Variants in C7orf78 observed in about 807,000 individuals in gnomAD.
C7orf78 encodes chromosome 7 open reading frame 78.
chr7:12,512,369 C>G, the C7orf78 span, among the ~76,000 whole-genome samples: 2 of 152,204 alleles, frequency 1.3e-5, no homozygotes, highest in African/African-American at 2.4e-5. Context: ...TCCTTCAATG[C>G]TTAGCTTATT....
At chr7:12,535,021 A>AGGAAGGAAGGAAGGAG in the C7orf78 span, among the ~76,000 whole-genome samples, 3 of 151,448 alleles carry the variant, frequency 2.0e-5, no homozygotes, top group East Asian at 5.8e-4. Context: ...GAAGGAAGGA[A>AGGAAGGAAGGAAGGAG]ACAGATTTCA....
the C7orf78 span, among the ~76,000 whole-genome samples, chr7:12,493,854 T>C: frequency 1.3e-5 from 2 of 152,234 alleles, no homozygotes; most frequent in South Asian, 4.1e-4. Context: ...TATTGTTCTA[T>C]GTCAAGAAAA....
chr7:12,507,067 G>C, the C7orf78 span: 3 of 370,300 alleles, frequency 8.1e-6, no homozygotes, highest in Non-Finnish European at 1.0e-5. Context: ...TTGGGAGGCC[G>C]AGACGGGCGG....
the C7orf78 span, among the ~76,000 whole-genome samples, chr7:12,489,645 T>C: frequency 2.0e-5 from 3 of 152,118 alleles, no homozygotes; most frequent in African/African-American, 7.2e-5. Flanking sequence ...CGGGAATGCC[T>C]TCAGGAGGCT....
At chr7:12,539,716 G>T in the C7orf78 span, among the ~76,000 whole-genome samples, 1 of 152,292 alleles carries the variant, frequency 6.6e-6, no homozygotes, top group East Asian at 1.9e-4. Flanking sequence ...TTAATCAGGT[G>T]CTGCAGTCAA....
the C7orf78 span, among the ~76,000 whole-genome samples, chr7:12,496,070 T>G: frequency 6.6e-6 from 1 of 152,044 alleles, no homozygotes; most frequent in African/African-American, 2.4e-5. Flanking sequence ...CAACTACAGG[T>G]GCCCGCCACC....
At chr7:12,498,152 C>A in the C7orf78 span, among the ~76,000 whole-genome samples, 1 of 151,884 alleles carries the variant, frequency 6.6e-6, no homozygotes, top group Non-Finnish European at 1.5e-5. Context: ...AACAGAAAAA[C>A]TGGAAACTCT....
the C7orf78 span, among the ~76,000 whole-genome samples, chr7:12,521,307 C>T: frequency 6.6e-6 from 1 of 151,960 alleles, no homozygotes; most frequent in Admixed American, 6.6e-5. Flanking sequence ...CTTCCCTTCT[C>T]ATTGTTTATC....
chr7:12,531,036 A>G, the C7orf78 span: 1 of 398,508 alleles, frequency 2.5e-6, no homozygotes, highest in Non-Finnish European at 4.4e-6. Context: ...AGCGTGATGC[A>G]TACAGTGCAT....
the C7orf78 span, among the ~76,000 whole-genome samples, chr7:12,489,690 T>C: frequency 6.6e-6 from 1 of 152,104 alleles, no homozygotes; most frequent in Admixed American, 6.6e-5. Context: ...CTGGGCAAAG[T>C]CAGGGTTTAT....
chr7:12,495,043 G>A, the C7orf78 span, among the ~76,000 whole-genome samples: 4 of 152,112 alleles, frequency 2.6e-5, no homozygotes, highest in Admixed American at 2.6e-4. Context: ...TGATAAAATT[G>A]CTCTCAGGCT....
the C7orf78 span, among the ~76,000 whole-genome samples, chr7:12,531,493 A>G: frequency 6.6e-6 from 1 of 152,108 alleles, no homozygotes. Flanking sequence ...ATTTGCTTAA[A>G]TTTTCTGATC....
At chr7:12,498,531 A>T in the C7orf78 span, among the ~76,000 whole-genome samples, 3 of 152,106 alleles carry the variant, frequency 2.0e-5, no homozygotes, top group Non-Finnish European at 4.4e-5. Context: ...GAAAGTTTAG[A>T]GAAAAAAGAA....
the C7orf78 span, among the ~76,000 whole-genome samples, chr7:12,505,155 GA>G: frequency 1.6e-4 from 24 of 151,766 alleles, no homozygotes; most frequent in African/African-American, 5.6e-4. Context: ...TCTTTATTTA[GA>G]AAAAAATATG....
chr7:12,530,106 C>T, the C7orf78 span, among the ~76,000 whole-genome samples: 1 of 152,088 alleles, frequency 6.6e-6, no homozygotes, highest in Admixed American at 6.5e-5. Context: ...CGCCTCCTAC[C>T]TCAGATTCAA....
the C7orf78 span, among the ~76,000 whole-genome samples, chr7:12,503,862 C>T: frequency 2.0e-5 from 3 of 152,014 alleles, no homozygotes; most frequent in Admixed American, 2.0e-4. Context: ...GTAATCCCAT[C>T]AATTTGGGAG....
chr7:12,534,290 C>T, the C7orf78 span, among the ~76,000 whole-genome samples: 1 of 152,056 alleles, frequency 6.6e-6, no homozygotes, highest in East Asian at 1.9e-4. Flanking sequence ...TTATGTTCAG[C>T]CATGAAAAAT....
chr7:12,516,486 C>T, the C7orf78 span, among the ~76,000 whole-genome samples: 3 of 152,198 alleles, frequency 2.0e-5, no homozygotes, highest in Admixed American at 6.5e-5. Flanking sequence ...ACACAGAGTC[C>T]CCACTGGGGC....
the C7orf78 span, among the ~76,000 whole-genome samples, chr7:12,496,171 G>A: frequency 2.0e-5 from 3 of 151,972 alleles, no homozygotes; most frequent in Non-Finnish European, 2.9e-5. Context: ...GTGATCCGCC[G>A]CCCTCGGCCT....
Sources: gnomAD v4.1 joint callset for allele counts (sites outside exome capture counted in the v4.1 genomes callset) on GRCh38, gnomAD v4.1.1 for gene constraint, MANE v1.5 for transcripts, NCBI Gene and HGNC (gene_info 2026-07-23, HGNC 2026-07-21) for gene names.